Variants in INSL6 observed in about 807,000 individuals in gnomAD.
The protein encoded by INSL6 is insulin like 6.
A neutral mutation model predicts 9.4 loss-of-function variants in INSL6; 16 were observed. The observed-to-expected ratio is 1.70, with a 90% CI of 1.15 to 2.59. INSL6 has a LOEUF of 2.59. INSL6 is among the 30% of genes most tolerant of loss of function. The probability of loss-of-function intolerance (pLI) is 0.00; values close to 1 mark genes in which losing one functional copy is unlikely to be tolerated. For missense variants in INSL6, 391 were observed against 257.3 expected (o/e 1.52, Z -3.56); for synonymous variants, 154 against 96.9 (o/e 1.59, Z -3.46).
intron 2 of INSL6, among the ~76,000 whole-genome samples, chr9:5,144,164 C>T (rs1824554478): frequency 6.6e-6 from 1 of 152,180 alleles, no homozygotes. Flanking sequence ...CCTTTTAATA[C>T]TGCCTTAGCT....
chr9:5,122,109 G>T (rs2130849960), downstream of INSL6, among the ~76,000 whole-genome samples: 1 of 152,214 alleles, frequency 6.6e-6, no homozygotes, highest in South Asian at 2.1e-4. Context: ...GAGTAGGCAG[G>T]GAAGGATTTG....
the INSL6 span, among the ~76,000 whole-genome samples, chr9:5,003,575 G>A: frequency 2.6e-5 from 4 of 151,954 alleles, no homozygotes; most frequent in Non-Finnish European, 5.9e-5. Flanking sequence ...CTTGCATCTT[G>A]TGACTTTGCT....
the INSL6 span, among the ~76,000 whole-genome samples, chr9:5,084,134 C>G: frequency 6.6e-6 from 1 of 152,028 alleles, no homozygotes; most frequent in Non-Finnish European, 1.5e-5. Context: ...TGAAGAGACT[C>G]TAAGGAAGGC....
the INSL6 span, among the ~76,000 whole-genome samples, chr9:5,118,080 A>G: frequency 3.3e-4 from 51 of 152,306 alleles, no homozygotes; most frequent in Admixed American, 3.3e-4. Flanking sequence ...AATGTGTCCA[A>G]CTGAATCTAA....
At chr9:5,096,876 A>G in the INSL6 span, 1 of 152,280 alleles carries the variant, frequency 6.6e-6, no homozygotes, top group Non-Finnish European at 1.5e-5. Context: ...CTTTATGGTC[A>G]TATCAATTAT....
intron 2 of INSL6, among the ~76,000 whole-genome samples, chr9:5,137,018 T>A (rs564577760): frequency 6.6e-5 from 10 of 152,272 alleles, no homozygotes; most frequent in Admixed American, 2.6e-4. Context: ...CCATTCACAA[T>A]TGCTACAAAG....
At chr9:5,095,220 C>G in the INSL6 span, among the ~76,000 whole-genome samples, 1 of 152,104 alleles carries the variant, frequency 6.6e-6, no homozygotes. Context: ...ATACCCTTCC[C>G]ATACTAATTA....
At chr9:5,163,740 G>T, downstream of INSL6, 1 of 573,322 alleles carries the variant, frequency 1.7e-6, no homozygotes, top group Non-Finnish European at 3.1e-6. Context: ...AAAACAACAG[G>T]GTCACCAAAG....
chr9:5,158,337 A>G (rs920618362), intron 2 of INSL6, among the ~76,000 whole-genome samples: 5 of 151,676 alleles, frequency 3.3e-5, no homozygotes, highest in Non-Finnish European at 7.4e-5. Flanking sequence ...TTCAAGTACA[A>G]GAAGGTTAGA....
the INSL6 span, chr9:5,090,622 G>A: frequency 1.3e-6 from 2 of 1,539,648 alleles, no homozygotes; most frequent in Non-Finnish European, 1.7e-6. Context: ...TGTTGAAGTA[G>A]ACATTAGGAA....
the INSL6 span, chr9:5,111,008 G>T: frequency 1.4e-6 from 1 of 734,200 alleles, no homozygotes; most frequent in Non-Finnish European, 2.3e-6. Flanking sequence ...GTTGCCAACG[G>T]GAAGGGCCGG....
At chr9:5,143,787 G>C (rs1307486886) in intron 2 of INSL6, among the ~76,000 whole-genome samples, 1 of 151,646 alleles carries the variant, frequency 6.6e-6, no homozygotes, top group African/African-American at 2.4e-5. Flanking sequence ...AGCCTTCCAA[G>C]TAGCTGGGAT....
chr9:5,044,119 T>C, the INSL6 span, among the ~76,000 whole-genome samples: 1 of 152,376 alleles, frequency 6.6e-6, no homozygotes, highest in East Asian at 1.9e-4. Flanking sequence ...GCTATGTTTT[T>C]AACTTTTTGT....
At chr9:5,183,367 G>C (rs575359238) in intron 1 of INSL6, among the ~76,000 whole-genome samples, 1 of 152,196 alleles carries the variant, frequency 6.6e-6, no homozygotes, top group African/African-American at 2.4e-5. Flanking sequence ...ATAGTAGCAG[G>C]TTTTGTGGGT....
the INSL6 span, among the ~76,000 whole-genome samples, chr9:5,107,579 G>C: frequency 6.6e-6 from 1 of 152,074 alleles, no homozygotes; most frequent in African/African-American, 2.4e-5. Context: ...TTGGTAAATA[G>C]TTTAAGTCAA....
the INSL6 span, among the ~76,000 whole-genome samples, chr9:5,023,432 T>G: frequency 6.6e-6 from 1 of 152,146 alleles, no homozygotes; most frequent in African/African-American, 2.4e-5. Context: ...TGCTTAGGAC[T>G]CGGGGGGAGC....
At chr9:5,129,303 T>C (rs1295787985) in intron 3 of INSL6, among the ~76,000 whole-genome samples, 2 of 152,236 alleles carry the variant, frequency 1.3e-5, no homozygotes, top group African/African-American at 4.8e-5. Flanking sequence ...CGATTTTCTT[T>C]TGCATTTTTA....
the INSL6 span, among the ~76,000 whole-genome samples, chr9:5,037,624 G>C: frequency 1.3e-5 from 2 of 152,062 alleles, no homozygotes. Context: ...ACCAAACACT[G>C]CATGTTCTCA....
chr9:5,181,918 T>C (rs1485280642), intron 1 of INSL6, among the ~76,000 whole-genome samples: 1 of 152,224 alleles, frequency 6.6e-6, no homozygotes, highest in Non-Finnish European at 1.5e-5. Flanking sequence ...AGTTAATAAC[T>C]GTATAATGCT....
Sources: gnomAD v4.1 joint callset for allele counts (sites outside exome capture counted in the v4.1 genomes callset) on GRCh38, gnomAD v4.1.1 for gene constraint, MANE v1.5 for transcripts, NCBI Gene and HGNC (gene_info 2026-07-23, HGNC 2026-07-21) for gene names.